DLGAP2: variants seen among roughly 807,000 people sequenced by gnomAD.
DLGAP2 encodes disks large-associated protein 2.
A neutral mutation model predicts 100.3 loss-of-function variants in DLGAP2; 26 were observed. The ratio of observed to expected loss-of-function variants is 0.26; its 90% CI spans 0.19 to 0.36. DLGAP2 has a LOEUF of 0.36. Among genes scored for constraint, DLGAP2 ranks in the 10% least tolerant of loss-of-function variants. The pLI, the probability that DLGAP2 is intolerant of heterozygous loss-of-function variation, is 1.00. For synonymous variants in DLGAP2, 886 were observed against 630.1 expected (o/e 1.41, Z -6.08); for missense variants, 1,858 against 1,453.2 (o/e 1.28, Z -4.53).
chr8:1,701,321 G>A lies in DLGAP2; in HGVS notation c.3083G>A (p.Arg1028Gln), dbSNP rs764932388. Residue 1028 changes from arginine to glutamine, a missense_variant, in exon 15 of 15, where the codon CGA (arginine) becomes CAA (glutamine). Physicochemically the swap from Arg to Gln is conservative, Grantham distance 43. Coordinates refer to ENST00000637795, the MANE Select transcript of DLGAP2 (RefSeq NM_001346810.2). ...EARRRLMAAKRAASFRQNSAS... is the reference protein window; with the variant it reads ...EARRRLMAAKQAASFRQNSAS... ...CGGAGGCGCCTCATGGCCGCCAAGC[G>A]AGCGGCGTCCTTCCGGCAGAATTCC... 6 of 1,589,346 alleles carry A rather than the reference G, an allele frequency of 3.8e-6. No homozygotes were observed. Among genetic ancestry groups the A allele is most frequent in the Admixed American group, 3.5e-5 (2 of 56,420 alleles).
intron 2 of DLGAP2, among the ~76,000 whole-genome samples, chr8:1,024,147 A>G (rs1052575973): frequency 6.7e-6 from 1 of 149,754 alleles, no homozygotes; most frequent in Non-Finnish European, 1.5e-5. Flanking sequence ...ATGCCAAGGT[A>G]GATGCTCCAT....
intron 6 of DLGAP2, among the ~76,000 whole-genome samples, chr8:1,601,740 A>G (rs1796631569): frequency 6.6e-6 from 1 of 152,062 alleles, no homozygotes; most frequent in South Asian, 2.1e-4. Context: ...CTGGTCTTTA[A>G]TTTCCTCAAA....
chr8:1,306,358 A>C (rs1800491264), intron 3 of DLGAP2, among the ~76,000 whole-genome samples: 1 of 152,122 alleles, frequency 6.6e-6, no homozygotes, highest in Non-Finnish European at 1.5e-5. Flanking sequence ...AAAAACCCAA[A>C]ATTCTTAGAA....
intron 2 of DLGAP2, among the ~76,000 whole-genome samples, chr8:1,235,328 C>T (rs1585176274): frequency 1.3e-5 from 2 of 151,928 alleles, no homozygotes; most frequent in South Asian, 2.1e-4. Context: ...TTCTCTCTCA[C>T]ATGGCGCCGT....
At chr8:1,619,815 C>T (rs978981926) in intron 6 of DLGAP2, 2 of 152,214 alleles carry the variant, frequency 1.3e-5, no homozygotes, top group Admixed American at 6.5e-5. Flanking sequence ...GCCAGGATCT[C>T]AATGTGGGCT....
At chr8:1,249,615 T>C (rs1360354818) in intron 2 of DLGAP2, among the ~76,000 whole-genome samples, 1 of 152,214 alleles carries the variant, frequency 6.6e-6, no homozygotes, top group African/African-American at 2.4e-5. Flanking sequence ...TTTGGGCTTC[T>C]TTTTCCTGAA....
chr8:1,004,168 G>T (rs1295610211), intron 2 of DLGAP2, among the ~76,000 whole-genome samples: 2 of 152,076 alleles, frequency 1.3e-5, no homozygotes, highest in East Asian at 3.9e-4. Flanking sequence ...CCCTAGAATT[G>T]TTCCTACAAA....
At chr8:1,189,969 G>A (rs1447992580) in intron 2 of DLGAP2, among the ~76,000 whole-genome samples, 4 of 152,186 alleles carry the variant, frequency 2.6e-5, no homozygotes, top group Non-Finnish European at 5.9e-5. Flanking sequence ...TGAGATTGCA[G>A]CAAATTCTTA....
chr8:1,631,355 G>C (rs913463912), intron 7 of DLGAP2, among the ~76,000 whole-genome samples: 1 of 152,142 alleles, frequency 6.6e-6, no homozygotes, highest in Non-Finnish European at 1.5e-5. Context: ...CCTCACACAG[G>C]TTCTGACCTT....
intron 3 of DLGAP2, among the ~76,000 whole-genome samples, chr8:1,416,577 C>T (rs1289284595): frequency 1.3e-5 from 2 of 152,174 alleles, no homozygotes; most frequent in African/African-American, 4.8e-5. Flanking sequence ...CCACGGCCGC[C>T]CCTTCTTTGA....
intron 2 of DLGAP2, among the ~76,000 whole-genome samples, chr8:1,198,655 C>T (rs1409735861): frequency 2.6e-5 from 4 of 152,238 alleles, no homozygotes; most frequent in Non-Finnish European, 5.9e-5. Flanking sequence ...GGCCGAGCCG[C>T]TCAGGCCCAG....
chr8:1,174,534 T>C (rs1365838557), intron 2 of DLGAP2, among the ~76,000 whole-genome samples: 1 of 151,470 alleles, frequency 6.6e-6, no homozygotes, highest in African/African-American at 2.4e-5. Flanking sequence ...AAAATCATTA[T>C]CATCATTACC....
intron 2 of DLGAP2, among the ~76,000 whole-genome samples, chr8:1,095,548 G>T (rs1327974302): frequency 6.6e-6 from 1 of 152,156 alleles, no homozygotes; most frequent in African/African-American, 2.4e-5. Flanking sequence ...TTAGTAATGG[G>T]TTAGCAGTGT....
intron 2 of DLGAP2, among the ~76,000 whole-genome samples, chr8:1,230,018 C>G (rs1261099403): frequency 6.6e-6 from 1 of 152,156 alleles, no homozygotes; most frequent in African/African-American, 2.4e-5. Context: ...CCAGAACAAT[C>G]AGGCAAGAAA....
chr8:1,031,193 T>G (rs1440199501), intron 2 of DLGAP2, among the ~76,000 whole-genome samples: 1 of 152,000 alleles, frequency 6.6e-6, no homozygotes, highest in Non-Finnish European at 1.5e-5. Flanking sequence ...ACGTACACAC[T>G]CAGTGTCCTT....
At chr8:950,708 G>A (rs971121778) in intron 2 of DLGAP2, among the ~76,000 whole-genome samples, 4 of 146,632 alleles carry the variant, frequency 2.7e-5, no homozygotes, top group African/African-American at 7.6e-5. Flanking sequence ...TGCAACCTCC[G>A]CCTCTCGGGT....
chr8:1,005,848 A>G (rs1285870441), intron 2 of DLGAP2, among the ~76,000 whole-genome samples: 4 of 152,154 alleles, frequency 2.6e-5, no homozygotes, highest in Non-Finnish European at 4.4e-5. Flanking sequence ...CCTTCAGGGA[A>G]TGTGCTCCAG....
At chr8:1,348,656 A>G (rs1019905185) in intron 3 of DLGAP2, among the ~76,000 whole-genome samples, 6 of 152,174 alleles carry the variant, frequency 3.9e-5, no homozygotes, top group African/African-American at 1.4e-4. Context: ...CATTGCTCTC[A>G]TGGTGGCTGT....
At chr8:1,208,634 C>T (rs1331665154) in intron 2 of DLGAP2, among the ~76,000 whole-genome samples, 7 of 151,998 alleles carry the variant, frequency 4.6e-5, no homozygotes, top group Non-Finnish European at 7.4e-5. Flanking sequence ...CCAGAGCAAT[C>T]AGACAAGAGA....
Sources: gnomAD v4.1 joint callset for allele counts (sites outside exome capture counted in the v4.1 genomes callset) on GRCh38, gnomAD v4.1.1 for gene constraint, MANE v1.5 for transcripts, NCBI Gene and HGNC (gene_info 2026-07-23, HGNC 2026-07-21) for gene names.